The following KDM3B variants were observed in gnomAD, a reference collection of about 807,000 sequenced individuals.
The protein encoded by KDM3B is lysine demethylase 3B.
Under a neutral mutation model 170.0 loss-of-function variants are expected in KDM3B, and 10 were observed. The ratio of observed to expected loss-of-function variants is 0.06; its 90% CI spans 0.04 to 0.10. The LOEUF (loss-of-function observed/expected upper bound fraction) is 0.10, where lower values mean the gene tolerates loss of function less well. Ranked by LOEUF, KDM3B falls within the 10% of genes least tolerant of loss-of-function variation. The pLI, the probability that KDM3B is intolerant of heterozygous loss-of-function variation, is 1.00. For missense variants in KDM3B, 1,394 were observed against 2,195.2 expected (o/e 0.64, Z 7.29); for synonymous variants, 831 against 834.8 (o/e 1.00, Z 0.08).
At chr5:138,417,328 A>G (rs934120852) in intron 12 of KDM3B, among the ~76,000 whole-genome samples, 155 bp from the exon 13 acceptor site, 1 of 152,240 alleles carries the variant, frequency 6.6e-6, no homozygotes, top group Non-Finnish European at 1.5e-5. Flanking sequence ...TTCTTCTCTC[A>G]GCCTCAGTTT....
At chr5:138,401,605 G>A (rs986063818) in intron 11 of KDM3B, among the ~76,000 whole-genome samples, 1 of 152,166 alleles carries the variant, frequency 6.6e-6, no homozygotes, top group Non-Finnish European at 1.5e-5. Context: ...TTGTGTGAAC[G>A]TATGGTTGCA....
intron 11 of KDM3B, among the ~76,000 whole-genome samples, chr5:138,410,501 G>A (rs1341563047): frequency 6.6e-6 from 1 of 152,084 alleles, no homozygotes; most frequent in Non-Finnish European, 1.5e-5. Flanking sequence ...AAAAAAAAGA[G>A]GAACCTCTGG....
intron 13 of KDM3B, 118 bp downstream of exon 13, chr5:138,417,728 T>G: frequency 8.9e-6 from 9 of 1,013,564 alleles, no homozygotes; most frequent in Non-Finnish European, 1.3e-5. Context: ...AATCAGGAGA[T>G]GGAGAAGCCT....
intron 22 of KDM3B, among the ~76,000 whole-genome samples, chr5:138,430,628 C>T (rs538700601): frequency 3.0e-4 from 46 of 152,338 alleles, no homozygotes; most frequent in African/African-American, 1.0e-3. Context: ...GGTAGCTCAA[C>T]GCCTGTAATC....
At chr5:138,405,344 A>G (rs1762789530) in intron 11 of KDM3B, among the ~76,000 whole-genome samples, 1 of 152,094 alleles carries the variant, frequency 6.6e-6, no homozygotes, top group Admixed American at 6.6e-5. Context: ...CCCCGCCACA[A>G]ATATTTTTTA....
intron 10 of KDM3B, among the ~76,000 whole-genome samples, chr5:138,398,887 CTTTTT>C (rs537795731): frequency 8.3e-6 from 1 of 120,172 alleles, no homozygotes; most frequent in Non-Finnish European, 1.7e-5. Flanking sequence ...TCCTAAATTT[CTTTTT>C]TTTTTTTTTT....
rs961289038 is a variant in KDM3B, at chr5:138,435,470, A to C, written c.5206-150A>C. On this transcript the variant is annotated intron_variant, in intron 23 of 23. Coordinates refer to ENST00000314358, the MANE Select transcript of KDM3B (RefSeq NM_016604.4). ...TTTTTGAGTACACACCTCATGCCCT[A>C]TGTGATTTGTAAATGACTGTGGGGA... 6.4e-6 allele frequency: 4 copies of C among 624,330 alleles called. No homozygotes were observed. The East Asian group carries it at 1.1e-4, about 18-fold the overall frequency. 38.7% of individuals were successfully genotyped at this position (624,330 alleles called of 1,614,324 possible). A position where few individuals can be genotyped will look rare whatever the true frequency, so the allele number is the denominator to read the frequency against.
At chr5:138,431,080 A>C (rs1279219210) in intron 22 of KDM3B, among the ~76,000 whole-genome samples, 1 of 151,946 alleles carries the variant, frequency 6.6e-6, no homozygotes, top group African/African-American at 2.4e-5. Flanking sequence ...GCAAATACTG[A>C]TATTTTTATG....
chr5:138,415,277 G>A (rs1763073173), intron 12 of KDM3B, 38 bp downstream of exon 12: 2 of 1,413,686 alleles, frequency 1.4e-6, no homozygotes, highest in Non-Finnish European at 2.0e-6. Flanking sequence ...TGGAAGAAAT[G>A]TTTTTAGTTG....
Position 138,435,805 on chromosome 5 carries a change from C to A in KDM3B, c.*105C>A. ...TGGAGCAGAGGCCCTTCACCCAGAG[C>A]CAGTGTGGTCAGTATTCCAAACTCT... is the stretch of plus-strand genomic sequence containing the variant. On this transcript the variant is annotated 3_prime_UTR_variant, in exon 24 of 24. Transcript: ENST00000314358. The A allele has an allele frequency of 3.5e-6, 3 of 847,424 alleles. No individual in the cohort carries two copies. The highest frequency in any genetic ancestry group is 5.7e-6 in the Non-Finnish European group (3 of 522,566). The allele number at this position is 847,424 out of a possible 1,614,324, so 52.5% of individuals were successfully genotyped here. A position where few individuals can be genotyped will look rare whatever the true frequency, so the allele number is the denominator to read the frequency against.
At position 138,427,993 on chromosome 5, in the gene KDM3B, G is replaced by A; in HGVS notation, c.4660G>A (p.Val1554Ile). The change falls in exon 20 of 24, where the codon GTT becomes ATT. Residue 1554 changes from valine to isoleucine, a missense_variant. Physicochemically the swap from Val to Ile is conservative, Grantham distance 29. Around this residue, in one of 19 missense-constraint regions of KDM3B, gnomAD observed 79 missense variants for 270.5 expected, o/e 0.29. Coordinates refer to ENST00000314358, the MANE Select transcript of KDM3B (RefSeq NM_016604.4). The part of the protein sequence containing the change: ...YGLITAEDRR[V>I]GTTNLHLDVS... The stretch of plus-strand genomic sequence containing the variant: ...GTTGATAACAGCAGAAGATAGAAGA[G>A]TTGGTACAACAAATCTTCACTTAGA... 1 of 1,612,938 alleles carries A rather than the reference G, an allele frequency of 6.2e-7. No individual in the cohort carries two copies. The highest frequency in any genetic ancestry group is 8.5e-7 in the Non-Finnish European group (1 of 1,178,950).
intron 6 of KDM3B, 91 bp from the exon 7 acceptor site, chr5:138,385,931 G>A (rs1389166071): frequency 1.4e-6 from 2 of 1,452,058 alleles, no homozygotes; most frequent in East Asian, 4.6e-5. Context: ...TGCCTGCTTT[G>A]TCTGCTTCTA....
At chr5:138,376,045 C>T (rs1408085071) in intron 3 of KDM3B, among the ~76,000 whole-genome samples, 4 of 151,908 alleles carry the variant, frequency 2.6e-5, no homozygotes, top group South Asian at 2.1e-4. Flanking sequence ...GGCTCCATCT[C>T]GCCTCACTGC....
intron 7 of KDM3B, 39 bp downstream of exon 7, chr5:138,386,660 T>C (rs1762272080): frequency 6.3e-7 from 1 of 1,583,490 alleles, no homozygotes; most frequent in Non-Finnish European, 8.6e-7. Context: ...GATTTGGGTT[T>C]ACTCTTTCGC....
chr5:138,390,530 C>A (rs1762400493), intron 7 of KDM3B, among the ~76,000 whole-genome samples: 1 of 152,132 alleles, frequency 6.6e-6, no homozygotes, highest in Admixed American at 6.5e-5. Flanking sequence ...AGGATTAAAG[C>A]CACTTTTTGT....
chr5:138,361,969 C>T (rs1000571193), intron 1 of KDM3B, among the ~76,000 whole-genome samples: 16 of 152,122 alleles, frequency 1.1e-4, no homozygotes, highest in African/African-American at 3.9e-4. Flanking sequence ...ACTTGGGGAG[C>T]AGCAGATGGA....
At chr5:138,381,953 C>G (rs1020178592) in intron 6 of KDM3B, among the ~76,000 whole-genome samples, 3 of 135,346 alleles carry the variant, frequency 2.2e-5, no homozygotes, top group Admixed American at 1.7e-4. Context: ...GAAGGATAAA[C>G]TACGTCCACT....
Position 138,420,710 on chromosome 5 carries a change from A to G in KDM3B, c.3720A>G (p.Ala1240=), listed in dbSNP as rs749790576. The stretch of plus-strand genomic sequence containing the variant: ...TTCCTGGTTATGTTCTTACAGAAGC[A>G]GGGTCCCTGAGGTCGGTGCTCAATA... ...TQKAKEETKE[A]GSLRSVLNKE... is the part of the protein sequence containing the mutation. Residue 1240 remains alanine, a synonymous_variant, in exon 15 of 24, where the codon GCA becomes GCG. Transcript: ENST00000314358. The G allele has an allele frequency of 4.3e-6, 7 of 1,613,936 alleles. No homozygotes were observed. Among genetic ancestry groups the G allele is most frequent in the Non-Finnish European group, 5.9e-6 (7 of 1,180,030 alleles).
intron 2 of KDM3B, among the ~76,000 whole-genome samples, chr5:138,374,755 G>A (rs567241870): frequency 6.6e-6 from 1 of 152,288 alleles, no homozygotes; most frequent in African/African-American, 2.4e-5. Context: ...GATGATAACA[G>A]TATAACTCTT....
Sources: allele counts gnomAD v4.1 joint callset (sites outside exome capture counted in the v4.1 genomes callset), GRCh38; gene constraint gnomAD v4.1.1; regional missense constraint gnomAD v4.1.1; transcripts MANE v1.5; gene names NCBI Gene and HGNC (gene_info 2026-07-23, HGNC 2026-07-21).